The following ADAMTS6 variants were observed in gnomAD, a reference collection of about 807,000 sequenced individuals.
ADAMTS6 encodes ADAM metallopeptidase with thrombospondin type 1 motif 6.
A neutral mutation model predicts 144.3 loss-of-function variants in ADAMTS6; 23 were observed. The ratio of observed to expected loss-of-function variants is 0.16; its 90% CI spans 0.11 to 0.23. The LOEUF (loss-of-function observed/expected upper bound fraction) is 0.23. ADAMTS6 is among the 10% of genes least tolerant of loss of function. ADAMTS6 has a pLI of 1.00. For synonymous variants in ADAMTS6, 444 were observed against 457.5 expected, an observed-to-expected ratio of 0.97 and a Z score of 0.38; for missense variants, 999 against 1,379.6, an observed-to-expected ratio of 0.72 and a Z score of 4.37.
chr5:65,156,269 A>T (rs911717547), intron 24 of ADAMTS6, among the ~76,000 whole-genome samples: 2 of 152,092 alleles, frequency 1.3e-5, no homozygotes, highest in Non-Finnish European at 2.9e-5. Context: ...TTTCTCTTCT[A>T]CCCTTGAGCA....
chr5:65,186,260 G>T (rs1350184509), intron 22 of ADAMTS6, among the ~76,000 whole-genome samples: 1 of 151,902 alleles, frequency 6.6e-6, no homozygotes, highest in Non-Finnish European at 1.5e-5. Context: ...CCTACTCCAG[G>T]CTATTCTGCC....
At chr5:65,177,507 A>G (rs1016703023) in intron 22 of ADAMTS6, among the ~76,000 whole-genome samples, 1 of 152,146 alleles carries the variant, frequency 6.6e-6, no homozygotes, top group African/African-American at 2.4e-5. Context: ...AATCCAGGGA[A>G]ATTTTGATAA....
At chr5:65,459,447 C>T (rs1369873331) in intron 4 of ADAMTS6, among the ~76,000 whole-genome samples, 1 of 152,158 alleles carries the variant, frequency 6.6e-6, no homozygotes, top group Non-Finnish European at 1.5e-5. Context: ...TTCCCCCAAC[C>T]ACTATGAACC....
At chr5:65,369,938 TA>T (rs1434019499) in intron 7 of ADAMTS6, among the ~76,000 whole-genome samples, 4 of 152,080 alleles carry the variant, frequency 2.6e-5, no homozygotes, top group South Asian at 2.1e-4. Flanking sequence ...CTAGGGAAGT[TA>T]TTTTTTTTTC....
intron 7 of ADAMTS6, among the ~76,000 whole-genome samples, chr5:65,422,045 G>T (rs915468137): frequency 6.6e-6 from 1 of 152,078 alleles, no homozygotes; most frequent in Non-Finnish European, 1.5e-5. Context: ...GAAAATATTT[G>T]CAAACTGTGC....
chr5:65,382,683 C>G (rs2150136740), intron 7 of ADAMTS6, among the ~76,000 whole-genome samples: 1 of 152,304 alleles, frequency 6.6e-6, no homozygotes, highest in Non-Finnish European at 1.5e-5. Context: ...ATTTCTAGGC[C>G]TGGAGTAGTC....
At position 65,173,003 on chromosome 5, in the gene ADAMTS6, A is replaced by T. The variant is rs1753729753; in HGVS notation, c.2916T>A (p.Thr972=). The T allele has an allele frequency of 1.9e-5, 30 of 1,612,340 alleles. No individual in the cohort carries two copies. The highest frequency in any genetic ancestry group is 2.4e-5 in the Non-Finnish European group (28 of 1,179,456). ...QWVALDWSEC[T]PKCGPGFKHR... ...GCTTGAATCCTGGACCACATTTTGG[A>T]GTACACTGGAAATAAAACAAATAGT... is the stretch of plus-strand genomic sequence containing the variant. Residue 972 remains threonine, a synonymous_variant, in exon 23 of 25, where the codon ACT becomes ACA. Coordinates refer to ENST00000381055, the MANE Select transcript of ADAMTS6 (RefSeq NM_197941.4).
chr5:65,374,756 C>A (rs1339860577), intron 7 of ADAMTS6, among the ~76,000 whole-genome samples: 2 of 152,206 alleles, frequency 1.3e-5, no homozygotes, highest in Non-Finnish European at 2.9e-5. Flanking sequence ...ATGGAATAAA[C>A]TACTTTAAAG....
chr5:65,364,556 A>ATTTC (rs1247219035), intron 7 of ADAMTS6, among the ~76,000 whole-genome samples: 3 of 142,070 alleles, frequency 2.1e-5, no homozygotes, highest in African/African-American at 8.2e-5. Flanking sequence ...TCCTGAATGA[A>ATTTC]TTTCTTTCTT....
intron 9 of ADAMTS6, among the ~76,000 whole-genome samples, chr5:65,315,605 T>C (rs1310128859): frequency 6.6e-6 from 1 of 152,008 alleles, no homozygotes; most frequent in Non-Finnish European, 1.5e-5. Flanking sequence ...ACCATAGAGA[T>C]CTGCCATAAA....
At chr5:65,300,258 CT>C in intron 9 of ADAMTS6, 127 bp from the exon 10 acceptor site, 1 of 764,870 alleles carries the variant, frequency 1.3e-6, no homozygotes, top group Non-Finnish European at 2.0e-6. Context: ...AGGCCAGATC[CT>C]CTAAAGAAAT....
At chr5:65,234,075 G>A (rs1758471821) in intron 15 of ADAMTS6, among the ~76,000 whole-genome samples, 2 of 138,998 alleles carry the variant, frequency 1.4e-5, no homozygotes, top group African/African-American at 5.5e-5. Context: ...AGATGGTCAC[G>A]TGCAAAAAAA....
chr5:65,422,447 C>T (rs375569494), intron 7 of ADAMTS6, among the ~76,000 whole-genome samples: 1 of 152,106 alleles, frequency 6.6e-6, no homozygotes, highest in Non-Finnish European at 1.5e-5. Context: ...CAGGGTGAAA[C>T]CCTGTTGCTA....
Position 65,224,310 on chromosome 5 carries a change from T to A in ADAMTS6, c.2272+10A>T. The A allele has an allele frequency of 6.2e-7, 1 of 1,611,944 alleles. No individual in the cohort carries two copies. The highest frequency in any genetic ancestry group is 8.5e-7 in the Non-Finnish European group (1 of 1,178,160). On this transcript the variant is annotated intron_variant, in intron 18 of 24. Transcript: ENST00000381055. ...AAAATCCAGCAAACTAGCATACCAG[T>A]CTAACATACCAATATAGTTCTTTGA...
At chr5:65,339,941 A>T (rs1438445633) in intron 7 of ADAMTS6, among the ~76,000 whole-genome samples, 1 of 152,108 alleles carries the variant, frequency 6.6e-6, no homozygotes, top group Non-Finnish European at 1.5e-5. Flanking sequence ...AGGAAACCAT[A>T]TTTTATGAAA....
At chr5:65,342,471 A>C (rs917314139) in intron 7 of ADAMTS6, among the ~76,000 whole-genome samples, 1 of 152,166 alleles carries the variant, frequency 6.6e-6, no homozygotes, top group Non-Finnish European at 1.5e-5. Flanking sequence ...GGTCCCTCCC[A>C]CAACATGTGG....
intron 7 of ADAMTS6, among the ~76,000 whole-genome samples, chr5:65,429,850 A>G (rs1756855752): frequency 6.6e-6 from 1 of 152,180 alleles, no homozygotes; most frequent in African/African-American, 2.4e-5. Context: ...ACAAAATTAG[A>G]AAGTATTACA....
At chr5:65,402,303 T>C (rs1385730527) in intron 7 of ADAMTS6, among the ~76,000 whole-genome samples, 1 of 152,062 alleles carries the variant, frequency 6.6e-6, no homozygotes, top group Non-Finnish European at 1.5e-5. Context: ...AATCCAAATC[T>C]CTACCTATCC....
chr5:65,226,267 G>T, intron 15 of ADAMTS6, 48 bp from the exon 16 acceptor site: 1 of 1,592,352 alleles, frequency 6.3e-7, no homozygotes, highest in South Asian at 1.1e-5. Context: ...TTGTCCTAAT[G>T]AACAGTGATT....
Sources: allele counts gnomAD v4.1 joint callset (sites outside exome capture counted in the v4.1 genomes callset), GRCh38; gene constraint gnomAD v4.1.1; transcripts MANE v1.5; gene names NCBI Gene and HGNC (gene_info 2026-07-23, HGNC 2026-07-21).